Variants in ALPK1 observed in about 807,000 individuals in gnomAD.
ALPK1 encodes the protein alpha-protein kinase 1.
A neutral mutation model predicts 120.6 loss-of-function variants in ALPK1; 110 were observed. That is an observed-to-expected ratio of 0.91 (90% CI 0.78 to 1.07). ALPK1 has a LOEUF of 1.07. Among genes scored for constraint, ALPK1 ranks in the 50% least tolerant of loss-of-function variants. The pLI, the probability that ALPK1 is intolerant of heterozygous loss-of-function variation, is 0.00. For synonymous variants in ALPK1, 582 were observed against 560.3 expected (o/e 1.04, Z -0.55); for missense variants, 1,498 against 1,483.9 (o/e 1.01, Z -0.16).
At chr4:112,307,090 G>C (rs1447450301) in intron 1 of ALPK1, among the ~76,000 whole-genome samples, 7 of 152,064 alleles carry the variant, frequency 4.6e-5, no homozygotes, top group Non-Finnish European at 1.0e-4. Flanking sequence ...CTGAGTTTTA[G>C]TTTGATTGCA....
rs1735061306 is a variant in ALPK1, at chr4:112,442,078, G to C, written c.*868G>C. ...CCTCTTCATAGGGTAGCAGGAGAGA[G>C]AATGAGTGCCAGCAGGGGAAATGCC... On this transcript the variant is annotated 3_prime_UTR_variant, in exon 16 of 16. Coordinates refer to ENST00000650871, the MANE Select transcript of ALPK1 (RefSeq NM_025144.4). 6.5e-6 allele frequency: 1 copy of C among 152,802 alleles called. No individual in the cohort carries two copies. The allele number at this position is 152,802 out of a possible 1,614,324, so 9.5% of individuals were successfully genotyped here.
At chr4:112,395,590 C>T (rs1224622617) in intron 4 of ALPK1, among the ~76,000 whole-genome samples, 1 of 152,006 alleles carries the variant, frequency 6.6e-6, no homozygotes, top group African/African-American at 2.4e-5. Context: ...TTCAGTAGAA[C>T]AAATTTAAGA....
Position 112,431,831 on chromosome 4 carries a change from G to T in ALPK1, c.2284G>T (p.Gly762Trp). ...ETNCDVKDRQ[G>W]KEQGEEISER... The stretch of plus-strand genomic sequence containing the variant: ...CAACTGCGATGTCAAAGACAGGCAG[G>T]GGAAAGAGCAGGGAGAAGAAATTAG... Residue 762 changes from glycine (G) to tryptophan (W), a missense_variant, in exon 11 of 16, where the codon GGG (glycine) becomes TGG (tryptophan). Transcript: ENST00000650871. The T allele has an allele frequency of 6.2e-7, 1 of 1,614,072 alleles. No homozygotes were observed. The highest frequency in any genetic ancestry group is 8.5e-7 in the Non-Finnish European group (1 of 1,180,000).
chr4:112,357,772 G>A, intron 2 of ALPK1: 2 of 1,088,522 alleles, frequency 1.8e-6, no homozygotes, highest in Non-Finnish European at 2.8e-6. Context: ...CGCCCGCATG[G>A]TGCCCTATGG....
At chr4:112,416,568 C>T (rs1733755391) in intron 5 of ALPK1, among the ~76,000 whole-genome samples, 1 of 152,072 alleles carries the variant, frequency 6.6e-6, no homozygotes, top group South Asian at 2.1e-4. Context: ...AGGAGTATAT[C>T]TAGCCTTGGG....
At chr4:112,370,075 G>A (rs944451922) in intron 2 of ALPK1, among the ~76,000 whole-genome samples, 2 of 152,060 alleles carry the variant, frequency 1.3e-5, no homozygotes, top group Admixed American at 6.5e-5. Context: ...CCCTAATAGG[G>A]GTACTAATTG....
At chr4:112,363,388 A>G (rs1730999755) in intron 2 of ALPK1, among the ~76,000 whole-genome samples, 1 of 152,260 alleles carries the variant, frequency 6.6e-6, no homozygotes, top group Non-Finnish European at 1.5e-5. Context: ...TGGACACCAA[A>G]AGTGAGCAGG....
Position 112,373,536 on chromosome 4 carries a change from A to G in ALPK1, c.-100-4142A>G, listed in dbSNP as rs759462296. ...AAAGAGATTAAATTTGTGCAAGTGTACCTCAAAGATATTGTGGATTCAGTT... is the reference window on the plus strand; with the variant it reads ...AAAGAGATTAAATTTGTGCAAGTGTGCCTCAAAGATATTGTGGATTCAGTT... On this transcript the variant is annotated intron_variant, in intron 2 of 15. Coordinates refer to ENST00000650871, the MANE Select transcript of ALPK1 (RefSeq NM_025144.4). Among the ~76,000 whole-genome samples the G allele has an allele frequency of 4.9e-4, 75 of 152,220 alleles. 2 individuals carry two copies. Among genetic ancestry groups the G allele is most frequent in the Non-Finnish European group, 3.5e-4 (24 of 68,032 alleles).
chr4:112,402,278 C>A (rs975258304), intron 4 of ALPK1, among the ~76,000 whole-genome samples: 26 of 152,312 alleles, frequency 1.7e-4, no homozygotes, highest in South Asian at 8.3e-4. Context: ...CCCAGCCCCT[C>A]CTTGAGAACA....
At chr4:112,325,556 T>C (rs1401195876) in intron 2 of ALPK1, among the ~76,000 whole-genome samples, 1 of 152,208 alleles carries the variant, frequency 6.6e-6, no homozygotes, top group Non-Finnish European at 1.5e-5. Flanking sequence ...TTCACATTGA[T>C]AATTGTAAAT....
chr4:112,424,112 AGC>A, intron 6 of ALPK1, 109 bp downstream of exon 6: 2 of 1,072,252 alleles, frequency 1.9e-6, no homozygotes, highest in South Asian at 1.5e-5. Context: ...ATGTTTCCAG[AGC>A]TATCTGGGGC....
chr4:112,357,266 G>C, intron 2 of ALPK1: 1 of 1,339,250 alleles, frequency 7.5e-7, no homozygotes, highest in Non-Finnish European at 1.0e-6. Flanking sequence ...GGCAGGACGT[G>C]CTGGGGTGTT....
chr4:112,435,396 A>C, intron 12 of ALPK1, 95 bp downstream of exon 12: 1 of 1,166,306 alleles, frequency 8.6e-7, no homozygotes, highest in East Asian at 2.5e-5. Flanking sequence ...GGGGCTGAAA[A>C]ACTTGGCCAA....
At position 112,411,937 on chromosome 4, in the gene ALPK1, G is replaced by A; in HGVS notation, c.387G>A (p.Gln129=). 1 of 1,614,180 alleles carries A rather than the reference G, an allele frequency of 6.2e-7. No homozygotes were observed. The highest frequency in any genetic ancestry group is 2.2e-5 in the East Asian group (1 of 44,882). Residue 129 remains glutamine (Q), a synonymous_variant, in exon 5 of 16, where the codon CAG becomes CAA. Transcript: ENST00000650871. The part of the protein sequence containing the change: ...YGLDVSGKLL[Q]VAKGLHKLQP... Reference sequence around the variant, plus strand: ...TCGACGTCTCTGGAAAACTTCTGCAGGTCGCCAAAGGTCTCCACAAGTTGC... The same window carrying A: ...TCGACGTCTCTGGAAAACTTCTGCAAGTCGCCAAAGGTCTCCACAAGTTGC...
chr4:112,321,189 G>C (rs1728855081), intron 2 of ALPK1, among the ~76,000 whole-genome samples: 1 of 152,006 alleles, frequency 6.6e-6, no homozygotes, highest in South Asian at 2.1e-4. Flanking sequence ...GAGCCACCGA[G>C]CCCAGCCAAT....
At chr4:112,412,350 C>T in intron 5 of ALPK1, 2 of 517,870 alleles carry the variant, frequency 3.9e-6, no homozygotes, top group Non-Finnish European at 7.5e-6. Flanking sequence ...TACTTCTGAC[C>T]AAGAGTCTTT....
At chr4:112,409,652 A>G (rs1167754081) in intron 4 of ALPK1, among the ~76,000 whole-genome samples, 1 of 152,152 alleles carries the variant, frequency 6.6e-6, no homozygotes, top group African/African-American at 2.4e-5. Context: ...TTTCCTTTAG[A>G]CAGCTTGTTC....
chr4:112,356,629 T>C (rs1578494660), intron 2 of ALPK1: 1 of 793,096 alleles, frequency 1.3e-6, no homozygotes, highest in East Asian at 2.9e-5. Context: ...CGCAAGAAGA[T>C]GGCAAGTCGC....
At chr4:112,313,741 G>T (rs985526232) in intron 1 of ALPK1, among the ~76,000 whole-genome samples, 3 of 152,068 alleles carry the variant, frequency 2.0e-5, no homozygotes, top group Non-Finnish European at 4.4e-5. Context: ...GTAATAATAA[G>T]AAGAATTGAC....
Sources: gnomAD v4.1 joint callset for allele counts (sites outside exome capture counted in the v4.1 genomes callset) on GRCh38, gnomAD v4.1.1 for gene constraint, MANE v1.5 for transcripts, NCBI Gene and HGNC (gene_info 2026-07-23, HGNC 2026-07-21) for gene names.